Variants in RAP1GAP2 observed in about 807,000 individuals in gnomAD.
The protein encoded by RAP1GAP2 is RAP1 GTPase activating protein 2, also known as rap1 GTPase-activating protein 2.
A neutral mutation model predicts 95.0 loss-of-function variants in RAP1GAP2; 27 were observed. The observed-to-expected ratio is 0.28, with a 90% CI of 0.21 to 0.39. The LOEUF (loss-of-function observed/expected upper bound fraction) is 0.39. Among genes scored for constraint, RAP1GAP2 ranks in the 10% least tolerant of loss-of-function variants. The pLI is 1.00. For synonymous variants in RAP1GAP2, 373 were observed against 380.9 expected (o/e 0.98, Z 0.24); for missense variants, 771 against 970.0 (o/e 0.79, Z 2.72).
intron 1 of RAP1GAP2, among the ~76,000 whole-genome samples, chr17:2,770,008 G>C (rs2068356058): frequency 6.7e-6 from 1 of 148,696 alleles, no homozygotes; most frequent in East Asian, 2.1e-4. Context: ...GGGAGGTGGA[G>C]GTTGCAGTGA....
intron 16 of RAP1GAP2, 95 bp downstream of exon 16, chr17:3,006,136 T>C (rs2046325383): frequency 9.6e-7 from 1 of 1,040,122 alleles, no homozygotes; most frequent in Admixed American, 2.3e-5. Context: ...TTTTTTTTTT[T>C]TTTTTTTTGA....
chr17:2,975,755 G>C (rs903216144), intron 8 of RAP1GAP2, among the ~76,000 whole-genome samples: 1 of 152,234 alleles, frequency 6.6e-6, no homozygotes, highest in Non-Finnish European at 1.5e-5. Flanking sequence ...CCCCTGGCCC[G>C]CACTGCCTGT....
chr17:3,028,809 A>C (rs2047205015), intron 22 of RAP1GAP2, among the ~76,000 whole-genome samples: 3 of 151,650 alleles, frequency 2.0e-5, no homozygotes, highest in Non-Finnish European at 4.4e-5. Context: ...AAATTCCCTG[A>C]TTTTTTTTCG....
chr17:2,946,069 G>T (rs191375157), intron 3 of RAP1GAP2, among the ~76,000 whole-genome samples: 3 of 152,290 alleles, frequency 2.0e-5, no homozygotes, highest in Non-Finnish European at 4.4e-5. Context: ...GGGATTACAG[G>T]TGTGAGCCAC....
chr17:3,030,221 G>A (rs2047250523), intron 22 of RAP1GAP2, among the ~76,000 whole-genome samples: 1 of 139,688 alleles, frequency 7.2e-6, no homozygotes, highest in Non-Finnish European at 1.6e-5. Context: ...GCCCGGCCAT[G>A]AGTATTTTGT....
At chr17:2,845,187 C>T (rs748082942) in intron 2 of RAP1GAP2, among the ~76,000 whole-genome samples, 11 of 152,156 alleles carry the variant, frequency 7.2e-5, no homozygotes, top group East Asian at 1.9e-4. Flanking sequence ...CTGTTGCTCA[C>T]GCTGGAGTGC....
chr17:2,796,678 G>C lies in RAP1GAP2; in HGVS notation c.44+107G>C. 7.6e-7 allele frequency: 1 copy of C among 1,314,042 alleles called. No individual in the cohort carries two copies. The highest frequency in any genetic ancestry group is 1.1e-6 in the Non-Finnish European group (1 of 932,218). 81.4% of individuals were successfully genotyped at this position (1,314,042 alleles called of 1,614,324 possible). A position where few individuals can be genotyped will look rare whatever the true frequency, so the allele number is the denominator to read the frequency against. ...GAACAGAGGGGCTCGGGCTGTGCCT[G>C]AGAGCTGGGTCTGCTGACGCCCTGG... On this transcript the variant is annotated intron_variant, in intron 1 of 24. Transcript: ENST00000254695. This position sits in a 1 kb window ranked among gnomAD's most constrained non-coding sequence, Gnocchi z 4.7.
intron 16 of RAP1GAP2, among the ~76,000 whole-genome samples, chr17:3,007,608 G>T (rs1316055463): frequency 6.6e-6 from 1 of 152,202 alleles, no homozygotes; most frequent in Non-Finnish European, 1.5e-5. Context: ...GTCCTCATCT[G>T]TGTGAATAGC....
chr17:2,836,125 C>T (rs2071117812), intron 2 of RAP1GAP2, among the ~76,000 whole-genome samples: 1 of 152,104 alleles, frequency 6.6e-6, no homozygotes, highest in African/African-American at 2.4e-5. Flanking sequence ...GGGGTGCTCC[C>T]TGTGGGAGAA....
chr17:2,896,661 C>T (rs2041836429), intron 2 of RAP1GAP2, among the ~76,000 whole-genome samples: 2 of 152,168 alleles, frequency 1.3e-5, no homozygotes, highest in Admixed American at 6.5e-5. Flanking sequence ...GCCCCAGGTG[C>T]CCCCAACCAC....
intron 3 of RAP1GAP2, among the ~76,000 whole-genome samples, chr17:2,924,456 T>C (rs1472579012): frequency 6.6e-6 from 1 of 151,900 alleles, no homozygotes; most frequent in African/African-American, 2.4e-5. Flanking sequence ...TGGTTGTCTC[T>C]AAACGGGAAG....
At chr17:2,940,833 C>T (rs149148126) in intron 3 of RAP1GAP2, among the ~76,000 whole-genome samples, 6 of 152,172 alleles carry the variant, frequency 3.9e-5, no homozygotes, top group African/African-American at 1.4e-4. Context: ...CCTTTCTTCT[C>T]CCTCCTTGGC....
intron 3 of RAP1GAP2, among the ~76,000 whole-genome samples, chr17:2,931,251 C>T (rs900745153): frequency 5.7e-4 from 84 of 148,186 alleles, no homozygotes; most frequent in African/African-American, 2.0e-3. Context: ...GAGGGCTAGG[C>T]GTGTATGTTT....
chr17:3,002,804 C>T (rs6502671), intron 14 of RAP1GAP2, among the ~76,000 whole-genome samples: 22,731 of 152,162 alleles, frequency 0.15, 1,964 homozygotes, highest in Middle Eastern at 0.25. Flanking sequence ...CTCTCTGGGC[C>T]TCTAGTTTTG....
chr17:3,020,027 C>T lies in RAP1GAP2; in HGVS notation c.1633-450C>T, dbSNP rs117888669. ...ACGCCTGCGCGGCTCCATTTGTTTGCGAGGAATGAAGGAGAGTCAGGAGTC... is the reference window on the plus strand; with the variant it reads ...ACGCCTGCGCGGCTCCATTTGTTTGTGAGGAATGAAGGAGAGTCAGGAGTC... On this transcript the variant is annotated intron_variant, in intron 18 of 24. Transcript: ENST00000254695. 9.2e-3 allele frequency among the ~76,000 whole-genome samples: 1,407 copies of T among 152,310 alleles called. 15 individuals are homozygous for T. Among genetic ancestry groups the T allele is most frequent in the Non-Finnish European group, 0.015 (1,010 of 68,028 alleles).
Position 3,029,731 on chromosome 17 carries a change from C to A in RAP1GAP2, c.2108-1191C>A, listed in dbSNP as rs1271180257. Among the ~76,000 whole-genome samples the A allele has an allele frequency of 6.6e-6, 1 of 152,128 alleles. No homozygotes were observed. The highest frequency in any genetic ancestry group is 1.5e-5 in the Non-Finnish European group (1 of 68,024). On this transcript the variant is annotated intron_variant, in intron 22 of 24. Coordinates refer to ENST00000254695, the MANE Select transcript of RAP1GAP2 (RefSeq NM_015085.5). The surrounding 1 kb of genome is among the most constrained non-coding windows in gnomAD (Gnocchi z 4.4). ...TTCCATACCCTCGGCCAGAGGACAGCCAGAAAGTCAAGTGGCCCTCCTGCC... is the reference window on the plus strand; with the variant it reads ...TTCCATACCCTCGGCCAGAGGACAGACAGAAAGTCAAGTGGCCCTCCTGCC...
chr17:2,884,305 C>CCTT (rs1567740483), intron 2 of RAP1GAP2, among the ~76,000 whole-genome samples: 1 of 151,902 alleles, frequency 6.6e-6, no homozygotes, highest in Non-Finnish European at 1.5e-5. Context: ...TTCAATCACT[C>CCTT]CTTCACTCTG....
At chr17:2,916,476 T>C (rs1230654284) in intron 3 of RAP1GAP2, among the ~76,000 whole-genome samples, 2 of 152,204 alleles carry the variant, frequency 1.3e-5, no homozygotes, top group Non-Finnish European at 2.9e-5. Flanking sequence ...TTGCTGAAGG[T>C]CCCACAGCTG....
chr17:3,015,585 G>A (rs1238113068), intron 17 of RAP1GAP2, among the ~76,000 whole-genome samples: 1 of 152,166 alleles, frequency 6.6e-6, no homozygotes, highest in African/African-American at 2.4e-5. Flanking sequence ...TTGGGAGGCT[G>A]AGGCAGGTGG....
Sources: allele counts gnomAD v4.1 joint callset (sites outside exome capture counted in the v4.1 genomes callset), GRCh38; gene constraint gnomAD v4.1.1; non-coding constraint Gnocchi (gnomAD v3.1); transcripts MANE v1.5; gene names NCBI Gene and HGNC (gene_info 2026-07-23, HGNC 2026-07-21).